TBX20: variants seen among roughly 807,000 people sequenced by gnomAD.
The protein encoded by TBX20 is T-box transcription factor 20, also known as T-box transcription factor TBX20.
Under a neutral mutation model 42.9 loss-of-function variants are expected in TBX20, and 8 were observed. The ratio of observed to expected loss-of-function variants is 0.19; its 90% CI spans 0.11 to 0.34. TBX20 has a LOEUF of 0.34. TBX20 is among the 10% of genes least tolerant of loss of function. The pLI is 1.00. For synonymous variants in TBX20, 198 were observed against 222.8 expected (o/e 0.89, Z 0.99); for missense variants, 411 against 566.0 (o/e 0.73, Z 2.78).
chr7:35,231,895 T>C (rs1299807691), intron 5 of TBX20, among the ~76,000 whole-genome samples: 1 of 152,110 alleles, frequency 6.6e-6, no homozygotes, highest in Non-Finnish European at 1.5e-5. Context: ...ACATAGTATG[T>C]CAAAGGCTAG....
chr7:35,236,819 G>C (rs1390507565), intron 5 of TBX20, among the ~76,000 whole-genome samples: 1 of 152,090 alleles, frequency 6.6e-6, no homozygotes, highest in Non-Finnish European at 1.5e-5. Context: ...TTCCATTGTG[G>C]TTACTCAGCA....
In TBX20 at chr7:35,248,819, C is replaced by A. The variant is rs1192856838; in HGVS notation, c.403G>T (p.Val135Leu). ...TCAGGATCCACCCCCGAAAAGGACA[C>A]CCGGATGGTTGGAAACATCCTCCTG... ...SGRRMFPTIR[V>L]SFSGVDPEAK... Residue 135 changes from valine to leucine, a missense_variant, in exon 3 of 8, where the codon GTG (valine) becomes TTG (leucine). Physicochemically the swap from Val to Leu is conservative, Grantham distance 32. Around this residue, in one of 5 missense-constraint regions of TBX20, gnomAD observed 121 missense variants for 165.9 expected, o/e 0.73. Transcript: ENST00000408931. 1.2e-6 allele frequency: 2 copies of A among 1,613,940 alleles called. No individual in the cohort carries two copies. Among genetic ancestry groups the A allele is most frequent in the Non-Finnish European group, 1.7e-6 (2 of 1,180,026 alleles).
chr7:35,204,274 A>G (rs1789356805), intron 7 of TBX20, among the ~76,000 whole-genome samples, 196 bp downstream of exon 7: 1 of 152,014 alleles, frequency 6.6e-6, no homozygotes, highest in South Asian at 2.1e-4. Flanking sequence ...AGGCAGCATC[A>G]TCGCCTATGA....
intron 4 of TBX20, among the ~76,000 whole-genome samples, chr7:35,244,737 C>A (rs1463722880): frequency 6.6e-6 from 1 of 152,174 alleles, no homozygotes; most frequent in African/African-American, 2.4e-5. Flanking sequence ...GACCTTCTTG[C>A]ATAGAAATGG....
At chr7:35,224,698 A>G (rs1424194606) in intron 6 of TBX20, among the ~76,000 whole-genome samples, 1 of 152,158 alleles carries the variant, frequency 6.6e-6, no homozygotes, top group African/African-American at 2.4e-5. Flanking sequence ...CCAGGCAGGA[A>G]TATAAGGATG....
chr7:35,241,158 G>A (rs1377349255), intron 4 of TBX20, 121 bp from the exon 5 acceptor site: 1 of 792,226 alleles, frequency 1.3e-6, no homozygotes, highest in African/African-American at 1.7e-5. Flanking sequence ...TTAAGATATG[G>A]ATCTACCCTT....
chr7:35,227,845 T>G (rs990017370), intron 6 of TBX20, among the ~76,000 whole-genome samples: 2 of 152,180 alleles, frequency 1.3e-5, no homozygotes, highest in Non-Finnish European at 2.9e-5. Context: ...GTACAGAGTT[T>G]CTGTTTGGGA....
At chr7:35,220,893 T>A (rs1789672061) in intron 6 of TBX20, among the ~76,000 whole-genome samples, 1 of 152,194 alleles carries the variant, frequency 6.6e-6, no homozygotes, top group South Asian at 2.1e-4. Context: ...AAATAGGGAC[T>A]AGTAGCCATG....
At chr7:35,247,165 CAAAAAAAAAA>C (rs757916672) in intron 3 of TBX20, among the ~76,000 whole-genome samples, 3 of 79,636 alleles carry the variant, frequency 3.8e-5, no homozygotes, top group African/African-American at 1.5e-4. Flanking sequence ...GACTGGAGGG[CAAAAAAAAAA>C]AAAAAAAAAA....
chr7:35,202,740 G>C lies in TBX20; in HGVS notation c.1034C>G (p.Ser345Cys). 6.4e-7 allele frequency: 1 copy of C among 1,567,716 alleles called. No individual in the cohort carries two copies. The highest frequency in any genetic ancestry group is 8.6e-7 in the Non-Finnish European group (1 of 1,156,328). Residue 345 changes from serine (S) to cysteine (C), a missense_variant, in exon 8 of 8, where the codon TCT becomes TGT. Coordinates refer to ENST00000408931, the MANE Select transcript of TBX20 (RefSeq NM_001077653.2). ...GSAFTTSDNL[S>C]LSSWVSSSSS... Reference sequence around the variant, plus strand: ...AGAAGATGATACCCAGGAGCTGAGAGACAAATTATCAGATGTTGTAAAGGC... The same window carrying C: ...AGAAGATGATACCCAGGAGCTGAGACACAAATTATCAGATGTTGTAAAGGC...
chr7:35,253,252 G>C (rs982315477), intron 1 of TBX20, among the ~76,000 whole-genome samples: 3 of 152,200 alleles, frequency 2.0e-5, no homozygotes, highest in African/African-American at 7.2e-5. Flanking sequence ...TGTCTGATCT[G>C]ATATATGGAT....
Position 35,226,474 on chromosome 7 carries a change from C to T in TBX20, c.890+5030G>A, listed in dbSNP as rs2661428. 4.0e-5 allele frequency among the ~76,000 whole-genome samples: 6 copies of T among 149,394 alleles called. No homozygotes were observed. In the East Asian group the frequency reaches 5.9e-4, roughly 15 times the overall value. Reference sequence around the variant, plus strand: ...AGGAGAAAATACAAATGTTCACCTACGAAACTGGCAAAGATGAAAAGACAA... The same window carrying T: ...AGGAGAAAATACAAATGTTCACCTATGAAACTGGCAAAGATGAAAAGACAA... On this transcript the variant is annotated intron_variant, in intron 6 of 7. Coordinates refer to ENST00000408931, the MANE Select transcript of TBX20 (RefSeq NM_001077653.2).
chr7:35,248,530 A>G (rs775217997), intron 3 of TBX20, 147 bp downstream of exon 3: 97 of 814,874 alleles, frequency 1.2e-4, no homozygotes, highest in Admixed American at 8.0e-4. Context: ...TGTTTTGTGT[A>G]GTCAATCCTG....
rs555366342 is a variant in TBX20, at chr7:35,211,011, G to A, written c.891-6429C>T. Among the ~76,000 whole-genome samples the A allele has an allele frequency of 2.5e-3, 381 of 151,620 alleles. 7 individuals are homozygous for A. The highest frequency in any genetic ancestry group is 8.7e-3 in the African/African-American group (359 of 41,420). On this transcript the variant is annotated intron_variant, in intron 6 of 7. Transcript: ENST00000408931. ...TTTTCTTTAAATGATTTCATTTCAT[G>A]TTCTTTGTTGGTTTATTAGATATAA...
In TBX20 at chr7:35,253,628, A is replaced by T. The variant is rs762304324; in HGVS notation, c.-8T>A. The T allele has an allele frequency of 6.2e-7, 1 of 1,611,186 alleles. No homozygotes were observed. Among genetic ancestry groups the T allele is most frequent in the Admixed American group, 1.7e-5 (1 of 60,016 alleles). On this transcript the variant is annotated 5_prime_UTR_variant, in exon 1 of 8. Coordinates refer to ENST00000408931, the MANE Select transcript of TBX20 (RefSeq NM_001077653.2). ...GGACGCCGTGAACTCCATGGTCCCC[A>T]GCACGCGGTCCTGGCCAGGGACGGG...
chr7:35,244,707 C>G (rs1790145994), intron 4 of TBX20, among the ~76,000 whole-genome samples: 1 of 152,172 alleles, frequency 6.6e-6, no homozygotes, highest in African/African-American at 2.4e-5. Flanking sequence ...CTTAGGAATT[C>G]CATGGAACAG....
intron 6 of TBX20, among the ~76,000 whole-genome samples, chr7:35,223,496 G>C (rs976003255): frequency 6.6e-6 from 1 of 152,162 alleles, no homozygotes; most frequent in African/African-American, 2.4e-5. Context: ...GTTTACAGAT[G>C]AATGAGATGA....
intron 7 of TBX20, among the ~76,000 whole-genome samples, chr7:35,202,983 A>C (rs1171338874): frequency 6.6e-6 from 1 of 152,234 alleles, no homozygotes; most frequent in Non-Finnish European, 1.5e-5. Context: ...AATTTACTAA[A>C]TGGAAAAAGA....
At chr7:35,213,693 C>G (rs1410405244) in intron 6 of TBX20, among the ~76,000 whole-genome samples, 5 of 151,930 alleles carry the variant, frequency 3.3e-5, no homozygotes, top group Non-Finnish European at 5.9e-5. Flanking sequence ...TGTCACTTAT[C>G]AAATGCATGA....
Sources: allele counts gnomAD v4.1 joint callset (sites outside exome capture counted in the v4.1 genomes callset), GRCh38; gene constraint gnomAD v4.1.1; regional missense constraint gnomAD v4.1.1; transcripts MANE v1.5; gene names NCBI Gene and HGNC (gene_info 2026-07-23, HGNC 2026-07-21).